RAD17: variants seen among roughly 807,000 people sequenced by gnomAD.
The protein encoded by RAD17 is RAD17 checkpoint clamp loader component.
Under a neutral mutation model 81.5 loss-of-function variants are expected in RAD17, and 31 were observed. That is an observed-to-expected ratio of 0.38 (90% CI 0.29 to 0.51). The LOEUF is 0.51. Ranked by LOEUF, RAD17 falls within the 20% of genes least tolerant of loss-of-function variation. The pLI is 0.88. For missense variants in RAD17, 681 were observed against 781.2 expected (o/e 0.87, Z 1.53); for synonymous variants, 261 against 266.2 (o/e 0.98, Z 0.19).
chr5:69,369,619 A>C (rs1374890210), upstream of RAD17: 5 of 1,575,234 alleles, frequency 3.2e-6, no homozygotes, highest in East Asian at 1.2e-4. Context: ...CGGCGCCCCT[A>C]GCCTGCCCCG....
intron 15 of RAD17, among the ~76,000 whole-genome samples, chr5:69,394,205 C>A (rs573889802): frequency 2.0e-5 from 3 of 151,026 alleles, no homozygotes; most frequent in Non-Finnish European, 4.4e-5. Context: ...GGACTACAGG[C>A]AAGCACCACT....
chr5:69,375,631 T>G (rs1214943537), intron 6 of RAD17, among the ~76,000 whole-genome samples: 2 of 152,168 alleles, frequency 1.3e-5, no homozygotes, highest in African/African-American at 4.8e-5. Context: ...AGTATGTCTG[T>G]TTTTTTAAAA....
Position 69,391,828 on chromosome 5 carries a change from C to T in RAD17, c.1007-3C>T. 6.7e-7 allele frequency: 1 copy of T among 1,498,450 alleles called. No homozygotes were observed. Among genetic ancestry groups the T allele is most frequent in the Non-Finnish European group, 8.9e-7 (1 of 1,122,938 alleles). 92.8% of individuals were successfully genotyped at this position (1,498,450 alleles called of 1,614,324 possible). ...TATTGTCACTTGGATGTATATTATTCAGGAGAAAACAACTTACGGCCAAGG... is the reference window on the plus strand; with the variant it reads ...TATTGTCACTTGGATGTATATTATTTAGGAGAAAACAACTTACGGCCAAGG... On this transcript the variant is annotated splice_region_variant and splice_polypyrimidine_tract_variant and intron_variant, in intron 12 of 18. Transcript: ENST00000354868.
chr5:69,375,068 A>C (rs1427050428), intron 6 of RAD17, among the ~76,000 whole-genome samples: 1 of 152,214 alleles, frequency 6.6e-6, no homozygotes, highest in Admixed American at 6.5e-5. Context: ...GTGAGCTGTG[A>C]TCACACTAGT....
chr5:69,400,611 T>TTA (rs1765207075), intron 17 of RAD17, among the ~76,000 whole-genome samples: 1 of 123,186 alleles, frequency 8.1e-6, no homozygotes, highest in Admixed American at 1.0e-4. Flanking sequence ...ATCCAGATAA[T>TTA]TCTGGATCCT....
Position 69,393,436 on chromosome 5 carries a change from T to C in RAD17, c.1358T>C (p.Ile453Thr). 1 of 1,610,690 alleles carries C rather than the reference T, an allele frequency of 6.2e-7. No individual in the cohort carries two copies. The highest frequency in any genetic ancestry group is 8.5e-7 in the Non-Finnish European group (1 of 1,178,156). The stretch of plus-strand genomic sequence containing the variant: ...AACTACATAGATTTCTTCATGGAAA[T>C]TGATGATATTGTGAGAGCCAGTGAA... ...HQNYIDFFME[I>T]DDIVRASEFL... is the part of the protein sequence containing the mutation. The change falls in exon 15 of 19, where the codon ATT becomes ACT. Residue 453 changes from isoleucine (I) to threonine (T), a missense_variant. Physicochemically the swap from Ile to Thr is moderately conservative, Grantham distance 89. Coordinates refer to ENST00000354868, the MANE Select transcript of RAD17 (RefSeq NM_133338.3).
rs1424604016 is a variant in RAD17, at chr5:69,373,684, AAATTTTTTTT to A, written c.10-145_10-136del. 3.6e-4 allele frequency: 178 copies of A among 491,636 alleles called. 2 individuals are homozygous for A. In the African/African-American group the frequency reaches 5.7e-3, roughly 16 times the overall value. The allele number at this position is 491,636 out of a possible 1,614,324, so 30.5% of individuals were successfully genotyped here. On this transcript the variant is annotated intron_variant, in intron 4 of 18. Transcript: ENST00000354868. ...GACAGAGTGAGACCCGGTCTCAAAA[AAATTTTTTTT>A]TTTTTTTTTTTTTTTTTTTTTTAAG...
At chr5:69,410,138 ACT>A (rs767958845) in intron 17 of RAD17, among the ~76,000 whole-genome samples, 32 of 151,880 alleles carry the variant, frequency 2.1e-4, no homozygotes, top group Non-Finnish European at 8.8e-5. Flanking sequence ...TCTTTTTGAG[ACT>A]CTGTTTTTAA....
intron 13 of RAD17, among the ~76,000 whole-genome samples, chr5:69,392,599 A>G (rs1336834878): frequency 6.6e-6 from 1 of 152,196 alleles, no homozygotes; most frequent in African/African-American, 2.4e-5. Context: ...GGATTTCTAA[A>G]TGGAAACCTT....
rs780808850 is a variant in RAD17, at chr5:69,391,921, G to A, written c.1097G>A (p.Arg366Lys). The change falls in exon 13 of 19, where the codon AGG (arginine) becomes AAG (lysine). Residue 366 changes from arginine (R) to lysine (K), a missense_variant. Arg to Lys is a conservative substitution (Grantham distance 26). Transcript: ENST00000354868. The part of the protein sequence containing the change: ...SKSKRRKKPD[R>K]VFENQEVQAI... ...TCAAAACGAAGAAAAAAACCTGATA[G>A]GGTTTTTGAAAATCAAGAGGTCCAA... The A allele has an allele frequency of 6.3e-7, 1 of 1,596,376 alleles. No individual in the cohort carries two copies. Among genetic ancestry groups the A allele is most frequent in the African/African-American group, 1.4e-5 (1 of 73,506 alleles).
intron 17 of RAD17, among the ~76,000 whole-genome samples, chr5:69,407,562 GTTTTTTTTT>G (rs550222595): frequency 7.3e-5 from 3 of 40,890 alleles, no homozygotes; most frequent in South Asian, 1.4e-3. Flanking sequence ...CTATGTCCAA[GTTTTTTTTT>G]TTTTTTTTTT....
intron 6 of RAD17, among the ~76,000 whole-genome samples, chr5:69,377,454 TATATATATATATATATATATACAC>T (rs201976432): frequency 0.084 from 714 of 8,502 alleles, 15 homozygotes; most frequent in African/African-American, 0.098. Flanking sequence ...TATATATATA[TATATATATATATATATATATACAC>T]ACACACACAT....
At chr5:69,380,950 G>A (rs955072385) in intron 6 of RAD17, among the ~76,000 whole-genome samples, 1 of 151,352 alleles carries the variant, frequency 6.6e-6, no homozygotes, top group African/African-American at 2.4e-5. Flanking sequence ...TATTTTTTTT[G>A]TAGAGACAGG....
intron 17 of RAD17, among the ~76,000 whole-genome samples, chr5:69,409,906 T>C (rs1765861251): frequency 6.6e-6 from 1 of 152,220 alleles, no homozygotes; most frequent in Admixed American, 6.5e-5. Flanking sequence ...ATACTTCATA[T>C]AGGTGGAATC....
intron 6 of RAD17, among the ~76,000 whole-genome samples, chr5:69,380,796 C>G: frequency 6.8e-6 from 1 of 147,252 alleles, no homozygotes; most frequent in Non-Finnish European, 1.5e-5. Context: ...GAGACAGGAT[C>G]TTACTCTAAT....
At position 69,369,854 on chromosome 5, in the gene RAD17, G is replaced by A. The variant is rs1762813414; in HGVS notation, c.-496G>A. The A allele has an allele frequency of 2.7e-6, 2 of 745,838 alleles. No individual in the cohort carries two copies. Among genetic ancestry groups the A allele is most frequent in the South Asian group, 3.6e-5 (2 of 55,812 alleles). The allele number at this position is 745,838 out of a possible 1,614,324, so 46.2% of individuals were successfully genotyped here. ...AGGCTCGGCGTTGAGCCCGGGTAGG[G>A]CCAGGTGGCTGCCCTTTCACCTAGG... On this transcript the variant is annotated 5_prime_UTR_variant, in exon 1 of 19. Transcript: ENST00000354868.
At chr5:69,410,613 A>G in intron 18 of RAD17, 63 bp downstream of exon 18, 1 of 1,380,548 alleles carries the variant, frequency 7.2e-7, no homozygotes, top group East Asian at 2.3e-5. Flanking sequence ...TATGTTCAGT[A>G]TGAATCAATA....
intron 18 of RAD17, among the ~76,000 whole-genome samples, chr5:69,413,276 A>G (rs1766127685): frequency 6.6e-6 from 1 of 151,964 alleles, no homozygotes; most frequent in African/African-American, 2.4e-5. Flanking sequence ...CCCCATCTCT[A>G]CTAAAAATAC....
At chr5:69,372,689 G>A (rs945669852) in intron 4 of RAD17, among the ~76,000 whole-genome samples, 2 of 151,938 alleles carry the variant, frequency 1.3e-5, no homozygotes, top group Non-Finnish European at 1.5e-5. Context: ...ATGGTTCACT[G>A]CAACCTTGAC....
Sources: gnomAD v4.1 joint callset for allele counts (sites outside exome capture counted in the v4.1 genomes callset) on GRCh38, gnomAD v4.1.1 for gene constraint, MANE v1.5 for transcripts, NCBI Gene and HGNC (gene_info 2026-07-23, HGNC 2026-07-21) for gene names.